DCHS2: variants seen among roughly 807,000 people sequenced by gnomAD.
The protein encoded by DCHS2 is protocadherin-23.
A neutral mutation model predicts 182.4 loss-of-function variants in DCHS2; 142 were observed. The ratio of observed to expected loss-of-function variants is 0.78; its 90% CI spans 0.68 to 0.89. DCHS2 has a LOEUF of 0.89. DCHS2 is among the 40% of genes least tolerant of loss of function. DCHS2 has a pLI of 0.00. For synonymous variants in DCHS2, 1,740 were observed against 1,663.3 expected (o/e 1.05, Z -1.12); for missense variants, 4,319 against 4,198.6 (o/e 1.03, Z -0.79).
chr4:154,443,193 T>A (rs988086571), intron 1 of DCHS2, among the ~76,000 whole-genome samples: 21 of 152,144 alleles, frequency 1.4e-4, no homozygotes, highest in African/African-American at 4.8e-4. Flanking sequence ...CCTAAGTTAG[T>A]TAAACCCAAC....
intron 1 of DCHS2, among the ~76,000 whole-genome samples, chr4:154,414,798 C>G (rs1414962242): frequency 6.6e-6 from 1 of 152,010 alleles, no homozygotes; most frequent in African/African-American, 2.4e-5. Context: ...AAAATGAGAC[C>G]TTGCTCACCT....
chr4:154,416,764 T>C (rs1732848645), intron 1 of DCHS2, among the ~76,000 whole-genome samples: 1 of 152,204 alleles, frequency 6.6e-6, no homozygotes, highest in Non-Finnish European at 1.5e-5. Context: ...CGGTGCTGCT[T>C]GTTTAAATCT....
chr4:154,285,843 T>C (rs7669107), intron 13 of DCHS2, among the ~76,000 whole-genome samples: 150,976 of 152,198 alleles, frequency 0.99, 74,891 homozygotes, highest in Middle Eastern at 1. Flanking sequence ...GGCTTCAACA[T>C]CCACTGTAGA....
chr4:154,320,633 G>A lies in DCHS2; in HGVS notation c.4766C>T (p.Ala1589Val), dbSNP rs765887544. ...SIPTVILTVT[A>V]SDQAVNVTDR... is the part of the protein sequence containing the mutation. ...TGTCACATTCACAGCCTGATCAGAT[G>A]CTGTTACTGTCAGGATGACAGTTGG... The change falls in exon 9 of 20, where the codon GCA (alanine) becomes GTA (valine). Residue 1589 changes from alanine to valine, a missense_variant. Ala to Val is a moderately conservative substitution (Grantham distance 64). Transcript: ENST00000357232. 1.7e-5 allele frequency: 28 copies of A among 1,614,038 alleles called. No homozygotes were observed. Among genetic ancestry groups the A allele is most frequent in the Non-Finnish European group, 2.4e-5 (28 of 1,180,040 alleles).
chr4:154,430,719 A>T (rs941786039), intron 1 of DCHS2, among the ~76,000 whole-genome samples: 4 of 152,150 alleles, frequency 2.6e-5, no homozygotes, highest in Admixed American at 2.6e-4. Context: ...TAAAACAATT[A>T]CTTATAGGAA....
At chr4:154,445,546 C>T (rs1208823122) in intron 1 of DCHS2, among the ~76,000 whole-genome samples, 1 of 152,198 alleles carries the variant, frequency 6.6e-6, no homozygotes, top group Non-Finnish European at 1.5e-5. Context: ...CATGGTGGTT[C>T]ACACTTGATC....
intron 1 of DCHS2, among the ~76,000 whole-genome samples, chr4:154,459,584 T>C (rs1734920725): frequency 6.6e-6 from 1 of 152,084 alleles, no homozygotes; most frequent in South Asian, 2.1e-4. Flanking sequence ...TTCCCAGGAA[T>C]GACCCTGCAG....
At position 154,268,860 on chromosome 4, in the gene DCHS2, T is replaced by TA. The variant is rs201323590; in HGVS notation, c.6577+1039dup. On this transcript the variant is annotated intron_variant, in intron 14 of 19. Coordinates refer to ENST00000357232, the MANE Select transcript of DCHS2 (RefSeq NM_001358235.2). Reference sequence around the variant, plus strand: ...TTATCTGCATTTTAATGATGGACTGTAGAAGAAATAAGACCAGGTCTGGGC... The same window carrying TA: ...TTATCTGCATTTTAATGATGGACTGTAAGAAGAAATAAGACCAGGTCTGGGC... 5.1e-3 allele frequency among the ~76,000 whole-genome samples: 784 copies of TA among 152,286 alleles called. 10 individuals carry two copies. Among genetic ancestry groups the TA allele is most frequent in the African/African-American group, 0.018 (733 of 41,576 alleles).
intron 1 of DCHS2, among the ~76,000 whole-genome samples, chr4:154,463,688 TCTTTTC>T (rs1735111173): frequency 1.9e-5 from 2 of 103,136 alleles, no homozygotes; most frequent in Non-Finnish European, 4.2e-5. Flanking sequence ...AGCTATTCTC[TCTTTTC>T]TCTCTCTCTC....
intron 19 of DCHS2, among the ~76,000 whole-genome samples, chr4:154,238,222 A>G (rs1374840707): frequency 6.6e-6 from 1 of 152,160 alleles, no homozygotes; most frequent in East Asian, 1.9e-4. Flanking sequence ...TACGTTTGTA[A>G]TCATGCAGTA....
chr4:154,379,907 C>A (rs12651106), intron 1 of DCHS2, among the ~76,000 whole-genome samples: 18,667 of 152,052 alleles, frequency 0.12, 1,568 homozygotes, highest in East Asian at 0.25. Context: ...CAACTAGGGA[C>A]AAGTTTGCCC....
At chr4:154,444,804 T>C (rs1267688942) in intron 1 of DCHS2, among the ~76,000 whole-genome samples, 2 of 152,218 alleles carry the variant, frequency 1.3e-5, no homozygotes, top group Non-Finnish European at 2.9e-5. Context: ...TCATATTGGC[T>C]GGCCCCTGAC....
Position 154,332,482 on chromosome 4 carries a change from A to G in DCHS2, c.3726T>C (p.Asn1242=). ...SDGKFFKMNP[N]TGELINWVAL... ...GTGGAAACTATGAAGTGCTACCTGTATTAGGATTCATCTTGAAGAATTTTC... is the reference window on the plus strand; with the variant it reads ...GTGGAAACTATGAAGTGCTACCTGTGTTAGGATTCATCTTGAAGAATTTTC... Residue 1242 remains asparagine (N), a synonymous_variant, in exon 5 of 20, where the codon AAT becomes AAC. Coordinates refer to ENST00000357232, the MANE Select transcript of DCHS2 (RefSeq NM_001358235.2). 1 of 1,610,746 alleles carries G rather than the reference A, an allele frequency of 6.2e-7. No homozygotes were observed. The highest frequency in any genetic ancestry group is 8.5e-7 in the Non-Finnish European group (1 of 1,178,004).
At chr4:154,348,004 C>A (rs1337190491) in intron 3 of DCHS2, among the ~76,000 whole-genome samples, 1 of 151,980 alleles carries the variant, frequency 6.6e-6, no homozygotes, top group Non-Finnish European at 1.5e-5. Flanking sequence ...ATGGGGTTTA[C>A]AATGTGTTCC....
intron 1 of DCHS2, chr4:154,486,440 A>G: frequency 1.5e-6 from 2 of 1,304,724 alleles, no homozygotes; most frequent in Non-Finnish European, 2.0e-6. Flanking sequence ...TCTTACAGGA[A>G]ATCTAGGCAA....
chr4:154,344,320 A>G (rs749785504), intron 3 of DCHS2, among the ~76,000 whole-genome samples: 6 of 152,214 alleles, frequency 3.9e-5, no homozygotes, highest in Non-Finnish European at 8.8e-5. Flanking sequence ...GCCACAAACC[A>G]TGAATTTGTA....
intron 7 of DCHS2, among the ~76,000 whole-genome samples, chr4:154,326,143 A>G (rs1039861302): frequency 5.9e-5 from 9 of 152,230 alleles, no homozygotes; most frequent in Non-Finnish European, 1.3e-4. Context: ...GCATAAGCAC[A>G]TCTCCAGTCT....
chr4:154,422,038 C>T (rs574390128), intron 1 of DCHS2, among the ~76,000 whole-genome samples: 5 of 152,258 alleles, frequency 3.3e-5, no homozygotes, highest in South Asian at 4.1e-4. Flanking sequence ...AAAGTTTCTT[C>T]GCCTAATTTC....
intron 1 of DCHS2, among the ~76,000 whole-genome samples, chr4:154,480,944 A>C (rs1297481750): frequency 6.6e-6 from 1 of 152,192 alleles, no homozygotes; most frequent in Non-Finnish European, 1.5e-5. Flanking sequence ...TAATTATAAT[A>C]ATATGTTAAC....
Sources: allele counts gnomAD v4.1 joint callset (sites outside exome capture counted in the v4.1 genomes callset), GRCh38; gene constraint gnomAD v4.1.1; transcripts MANE v1.5; gene names NCBI Gene and HGNC (gene_info 2026-07-23, HGNC 2026-07-21).